ISYNA1: variants seen among roughly 807,000 people sequenced by gnomAD.
ISYNA1 encodes MI-1-P synthase.
Under a neutral mutation model 50.3 loss-of-function variants are expected in ISYNA1, and 34 were observed. The ratio of observed to expected loss-of-function variants is 0.68; its 90% CI spans 0.51 to 0.90. The LOEUF (loss-of-function observed/expected upper bound fraction) is 0.90, where lower values mean the gene tolerates loss of function less well. ISYNA1 is among the 40% of genes least tolerant of loss of function. The pLI is 0.00. For missense variants in ISYNA1, 718 were observed against 784.8 expected (o/e 0.91, Z 1.02); for synonymous variants, 396 against 349.9 (o/e 1.13, Z -1.47).
chr19:18,437,853 GGTCC>G lies in ISYNA1; in HGVS notation c.120+3_120+6del. The stretch of plus-strand genomic sequence containing the variant: ...AGCACGCCTCCTTCCTCAGCCCCCT[GGTCC>G]ACCTTGAGAACGCCACCCTCGCGGC... On this transcript the variant is annotated splice_donor_5th_base_variant and intron_variant, in intron 2 of 10. Coordinates refer to ENST00000338128, the MANE Select transcript of ISYNA1 (RefSeq NM_016368.5). 6.2e-7 allele frequency: 1 copy of G among 1,611,532 alleles called. No homozygotes were observed. The highest frequency in any genetic ancestry group is 8.5e-7 in the Non-Finnish European group (1 of 1,179,776).
intron 9 of ISYNA1, 28 bp downstream of exon 9, chr19:18,435,535 C>G (rs530714557): frequency 9.3e-6 from 15 of 1,604,374 alleles, no homozygotes; most frequent in Middle Eastern, 1.6e-4. Flanking sequence ...CCCTGCCTCC[C>G]ATAGCAGCCC....
rs1420309976 is a variant in ISYNA1, at chr19:18,437,030, A to G, written c.358T>C (p.Phe120Leu). 2 of 1,610,492 alleles carry G rather than the reference A, an allele frequency of 1.2e-6. No homozygotes were observed. The highest frequency in any genetic ancestry group is 1.7e-6 in the Non-Finnish European group (2 of 1,179,494). Residue 120 changes from phenylalanine to leucine, a missense_variant, in exon 4 of 11, where the codon TTC becomes CTC. Phe to Leu is a conservative substitution (Grantham distance 22). Around this residue, in one of 3 missense-constraint regions of ISYNA1, gnomAD observed 403 missense variants for 466.6 expected, o/e 0.86. Coordinates refer to ENST00000338128, the MANE Select transcript of ISYNA1 (RefSeq NM_016368.5). ...LGLDAEGQEV[F>L]VPFSAVLPMV... The stretch of plus-strand genomic sequence containing the variant: ...GGCAGCACCGCGCTGAAGGGTACGA[A>G]CACCTCCTGGCCCTCGGCGTCCAGG...
At position 18,437,706 on chromosome 19, in the gene ISYNA1, GC is replaced by G. The variant is rs1440330671; in HGVS notation, c.174del (p.Leu59SerfsTer44). 1.9e-6 allele frequency: 3 copies of G among 1,557,500 alleles called. No individual in the cohort carries two copies. Among genetic ancestry groups the G allele is most frequent in the African/African-American group, 2.7e-5 (2 of 73,798 alleles). Reference protein sequence around the residue: ...FTFRTARQVPRLGVMLVGWGG... With the variant: ...FTFRTARQVPXLGVMLVGWGG... ...CCCCAGCCGACAAGCATGACCCCGA[GC>G]CGGGGCACCTGCCGGGCGGTCCGGA... On this transcript the variant is annotated frameshift_variant, in exon 3 of 11. Coordinates refer to ENST00000338128, the MANE Select transcript of ISYNA1 (RefSeq NM_016368.5). LOFTEE classifies it high-confidence loss of function.
rs1211556544 is a variant in ISYNA1 at position 18,437,869 on chromosome 19, G to C, written c.111C>G (p.Gly37=). 2 of 1,611,738 alleles carry C rather than the reference G, an allele frequency of 1.2e-6. No individual in the cohort carries two copies. Among genetic ancestry groups the C allele is most frequent in the Admixed American group, 3.3e-5 (2 of 60,002 alleles). The change falls in exon 2 of 11, where the codon GGC becomes GGG. Residue 37 remains glycine, a synonymous_variant. Coordinates refer to ENST00000338128, the MANE Select transcript of ISYNA1 (RefSeq NM_016368.5). ...YRTTRVSREG[G]VLKVHPTSTR... is the part of the protein sequence containing the mutation. ...CAGCCCCCTGGTCCACCTTGAGAAC[G>C]CCACCCTCGCGGCTGACGCGCGTCG...
At chr19:18,437,303 G>C in intron 3 of ISYNA1, 198 bp from the exon 4 acceptor site, 1 of 1,419,866 alleles carries the variant, frequency 7.0e-7, no homozygotes, top group East Asian at 2.6e-5. Context: ...GCCCCTGTAA[G>C]ACTCCCGAGG....
In ISYNA1 at chr19:18,435,585, A is replaced by G; in HGVS notation, c.1232T>C (p.Leu411Pro). The change falls in exon 9 of 11, where the codon CTG (leucine) becomes CCG (proline). Residue 411 changes from leucine to proline, a missense_variant. Physicochemically the swap from Leu to Pro is moderately conservative, Grantham distance 98. Around this residue, in one of 3 missense-constraint regions of ISYNA1, gnomAD observed 305 missense variants for 292.6 expected, o/e 1.04. Coordinates refer to ENST00000338128, the MANE Select transcript of ISYNA1 (RefSeq NM_016368.5). Reference protein sequence around the residue: ...SELMLGGTNTLVLHNTCEDSL... With the variant: ...SELMLGGTNTPVLHNTCEDSL... Reference sequence around the variant, plus strand: ...CACCTCACACGTGTTGTGCAGCACCAGTGTGTTGGTTCCGCCCAGCATCAG... The same window carrying G: ...CACCTCACACGTGTTGTGCAGCACCGGTGTGTTGGTTCCGCCCAGCATCAG... 6.2e-7 allele frequency: 1 copy of G among 1,608,976 alleles called. No individual in the cohort carries two copies. Among genetic ancestry groups the G allele is most frequent in the Non-Finnish European group, 8.5e-7 (1 of 1,178,040 alleles).
In ISYNA1 at chr19:18,435,304, CGCATTGACCACCGG is replaced by C; in HGVS notation, c.1420_1433del (p.Pro474AlafsTer66). 6.2e-7 allele frequency: 1 copy of C among 1,607,738 alleles called. No homozygotes were observed. Among genetic ancestry groups the C allele is most frequent in the Non-Finnish European group, 8.5e-7 (1 of 1,179,866 alleles). The stretch of plus-strand genomic sequence containing the variant: ...CGATGCAGCTGCGCTGGCGGAAAAG[CGCATTGACCACCGG>C]GCTGCCGGGCGGCACTAGTGGCGCC... On this transcript the variant is annotated frameshift_variant, in exon 10 of 11. Transcript: ENST00000338128. LOFTEE classifies it low-confidence loss of function (END_TRUNC).
chr19:18,435,166 G>A, intron 10 of ISYNA1, 49 bp from the exon 11 acceptor site: 1 of 1,596,808 alleles, frequency 6.3e-7, no homozygotes, highest in Non-Finnish European at 8.6e-7. Context: ...CAGGGAGAAA[G>A]GGGGGGTATC....
chr19:18,434,859 A>C lies in ISYNA1; in HGVS notation c.*54T>G. The C allele has an allele frequency of 6.8e-7, 1 of 1,468,948 alleles. No individual in the cohort carries two copies. Among genetic ancestry groups the C allele is most frequent in the Non-Finnish European group, 9.5e-7 (1 of 1,052,890 alleles). 91.0% of individuals were successfully genotyped at this position (1,468,948 alleles called of 1,614,324 possible). On this transcript the variant is annotated 3_prime_UTR_variant, in exon 11 of 11. Transcript: ENST00000338128. ...CTTTATTTGTGGGGGCCTTCAAGGT[A>C]GGGTCGTGGGGGGCAGCGGGGAGGA...
At chr19:18,436,518 G>C (rs769874326) in intron 5 of ISYNA1, 39 bp from the exon 6 acceptor site, 1 of 1,601,372 alleles carries the variant, frequency 6.2e-7, no homozygotes, top group Admixed American at 1.7e-5. Context: ...AGGATGGAGA[G>C]GGTGTAGGGA....
intron 5 of ISYNA1, 97 bp downstream of exon 5, chr19:18,436,587 T>C: frequency 6.3e-7 from 1 of 1,598,448 alleles, no homozygotes; most frequent in Non-Finnish European, 8.5e-7. Context: ...TCCCCGGGTG[T>C]CAAGTGAGGC....
chr19:18,436,203 G>T lies in ISYNA1; in HGVS notation c.804C>A (p.Ser268Arg). 1 of 1,610,728 alleles carries T rather than the reference G, an allele frequency of 6.2e-7. No individual in the cohort carries two copies. The change falls in exon 7 of 11, where the codon AGC becomes AGA. Residue 268 changes from serine to arginine, a missense_variant. Transcript: ENST00000338128. Reference protein sequence around the residue: ...VSPSTLFAVASILEGCAFLNG... With the variant: ...VSPSTLFAVARILEGCAFLNG... Reference sequence around the variant, plus strand: ...TGAGGAAGGCACAGCCCTCCAGGATGCTGGCCACGGCGAAGAGCGTGGAGG... The same window carrying T: ...TGAGGAAGGCACAGCCCTCCAGGATTCTGGCCACGGCGAAGAGCGTGGAGG...
At position 18,437,610 on chromosome 19, in the gene ISYNA1, T is replaced by C; in HGVS notation, c.271A>G (p.Ser91Gly). ...CCTCCCGCCCCCACCTTGCGGCCGC[T>C]GCGCGTGGGCCAGGACAAACGCAGT... ...NRLRLSWPTR[S>G]GRKEANYYGS... The change falls in exon 3 of 11, where the codon AGC becomes GGC. Residue 91 changes from serine (S) to glycine (G), a missense_variant. This residue lies in a region of ISYNA1 where 403 missense variants were observed against 466.6 expected (regional missense o/e 0.86). Coordinates refer to ENST00000338128, the MANE Select transcript of ISYNA1 (RefSeq NM_016368.5). 7.3e-7 allele frequency: 1 copy of C among 1,365,670 alleles called. No individual in the cohort carries two copies. Among genetic ancestry groups the C allele is most frequent in the Non-Finnish European group, 9.6e-7 (1 of 1,043,392 alleles). The allele number at this position is 1,365,670 out of a possible 1,614,324, so 84.6% of individuals were successfully genotyped here.
Position 18,436,455 on chromosome 19 carries a change from G to A in ISYNA1, c.634C>T (p.Arg212Ter), listed in dbSNP as rs372727131. 3 of 1,606,984 alleles carry A rather than the reference G, an allele frequency of 1.9e-6. No homozygotes were observed. Among genetic ancestry groups the A allele is most frequent in the Non-Finnish European group, 2.5e-6 (3 of 1,179,856 alleles). Residue 212 changes from arginine to a stop codon, truncating the protein, a stop_gained, in exon 6 of 11, where the codon CGA becomes TGA. Transcript: ENST00000338128. LOFTEE classifies it high-confidence loss of function. ...AGCCCCGCGCTAGACCGGAAGTCTC[G>A]GATGTCCCTGCGGATCTGCTCCAGC... ...QQLEQIRRDIRDFRSSAGLDK... is the reference protein window; with the variant it reads ...QQLEQIRRDI
Position 18,435,917 on chromosome 19 carries a change from A to G in ISYNA1, c.980T>C (p.Met327Thr), listed in dbSNP as rs1424533199. ...DFLIGSGLKT[M>T]SIVSYNHLGN... ...CAGGTGGTTGTAACTCACGATGGAC[A>G]TGGTCTGTGGGTACAAGGGAAGCCC... The change falls in exon 8 of 11, where the codon ATG becomes ACG. Residue 327 changes from methionine to threonine, a missense_variant. By Grantham distance (81) the Met-to-Thr change is moderately conservative. Around this residue, in one of 3 missense-constraint regions of ISYNA1, gnomAD observed 403 missense variants for 466.6 expected, o/e 0.86. Coordinates refer to ENST00000338128, the MANE Select transcript of ISYNA1 (RefSeq NM_016368.5). The G allele has an allele frequency of 1.2e-6, 2 of 1,613,914 alleles. No individual in the cohort carries two copies. Among genetic ancestry groups the G allele is most frequent in the East Asian group, 2.2e-5 (1 of 44,884 alleles).
At position 18,435,581 on chromosome 19, in the gene ISYNA1, C is replaced by CA; in HGVS notation, c.1235dup (p.Leu413AlafsTer6). 1 of 1,608,456 alleles carries CA rather than the reference C, an allele frequency of 6.2e-7. No individual in the cohort carries two copies. Among genetic ancestry groups the CA allele is most frequent in the South Asian group, 1.1e-5 (1 of 90,352 alleles). On this transcript the variant is annotated frameshift_variant, in exon 9 of 11. Coordinates refer to ENST00000338128, the MANE Select transcript of ISYNA1 (RefSeq NM_016368.5). LOFTEE classifies it high-confidence loss of function. ...GCCGCACCTCACACGTGTTGTGCAG[C>CA]ACCAGTGTGTTGGTTCCGCCCAGCA...
In ISYNA1 at chr19:18,434,632, G is replaced by A. The variant is rs891725433; in HGVS notation, c.*281C>T. On this transcript the variant is annotated 3_prime_UTR_variant, in exon 11 of 11. Transcript: ENST00000338128. ...CACCCTGTGGTCTTGTTCCGTCCCCGCCCCCATCTAGCCCCACCTTTGAGA... is the reference window on the plus strand; with the variant it reads ...CACCCTGTGGTCTTGTTCCGTCCCCACCCCCATCTAGCCCCACCTTTGAGA... 12 of 560,864 alleles carry A rather than the reference G, an allele frequency of 2.1e-5. No homozygotes were observed. Among genetic ancestry groups the A allele is most frequent in the African/African-American group, 3.8e-5 (2 of 53,198 alleles). 34.7% of individuals were successfully genotyped at this position (560,864 alleles called of 1,614,324 possible).
chr19:18,437,617 G>A lies in ISYNA1; in HGVS notation c.264C>T (p.Pro88=), dbSNP rs1349233638. The change falls in exon 3 of 11, where the codon CCC becomes CCT. Residue 88 remains proline (P), a synonymous_variant. Transcript: ENST00000338128. The stretch of plus-strand genomic sequence containing the variant: ...CCCCCACCTTGCGGCCGCTGCGCGT[G>A]GGCCAGGACAAACGCAGTCGATTGG... The part of the protein sequence containing the change: ...VLANRLRLSW[P]TRSGRKEANY... 6.7e-6 allele frequency: 10 copies of A among 1,498,664 alleles called. No homozygotes were observed. In the East Asian group the frequency reaches 1.6e-4, roughly 23 times the overall value. The allele number at this position is 1,498,664 out of a possible 1,614,324, so 92.8% of individuals were successfully genotyped here.
At position 18,435,052 on chromosome 19, in the gene ISYNA1, G is replaced by C. The variant is rs1973905286; in HGVS notation, c.1538C>G (p.Pro513Arg). 1.2e-6 allele frequency: 2 copies of C among 1,613,516 alleles called. No individual in the cohort carries two copies. The highest frequency in any genetic ancestry group is 1.3e-5 in the African/African-American group (1 of 74,880). Residue 513 changes from proline to arginine, a missense_variant, in exon 11 of 11, where the codon CCC (proline) becomes CGC (arginine). Around this residue, in one of 3 missense-constraint regions of ISYNA1, gnomAD observed 305 missense variants for 292.6 expected, o/e 1.04. Coordinates refer to ENST00000338128, the MANE Select transcript of ISYNA1 (RefSeq NM_016368.5). ...CACGGGTCCAACTCGCTTGAGGCTG[G>C]GCCCTGGGCGCTCCATTTTGTGTTC... The part of the protein sequence containing the change: ...LLEHKMERPG[P>R]SLKRVGPVAA...
Sources: allele counts gnomAD v4.1 joint callset, GRCh38; gene constraint gnomAD v4.1.1; regional missense constraint gnomAD v4.1.1; transcripts MANE v1.5; gene names NCBI Gene and HGNC (gene_info 2026-07-23, HGNC 2026-07-21).